Variants in COQ2 observed in about 807,000 individuals in gnomAD.
The protein encoded by COQ2 is 4-hydroxybenzoate polyprenyltransferase, mitochondrial.
Under a neutral mutation model 35.7 loss-of-function variants are expected in COQ2, and 25 were observed. That is an observed-to-expected ratio of 0.70 (90% confidence interval 0.51 to 0.98). COQ2 has a LOEUF of 0.98. Among genes scored for constraint, COQ2 ranks in the 50% least tolerant of loss-of-function variants. COQ2 has a pLI of 0.00. For missense variants in COQ2, 488 were observed against 473.5 expected, an observed-to-expected ratio of 1.03 and a Z score of -0.28; for synonymous variants, 206 against 186.2, an observed-to-expected ratio of 1.11 and a Z score of -0.86.
intron 2 of COQ2, among the ~76,000 whole-genome samples, chr4:83,275,115 C>G (rs1735136544): frequency 6.6e-6 from 1 of 152,178 alleles, no homozygotes; most frequent in African/African-American, 2.4e-5. Context: ...CTTTAAAAAT[C>G]TTTCTAAGAA....
intron 4 of COQ2, 99 bp downstream of exon 4, chr4:83,271,988 G>A (rs1735057870): frequency 1.3e-6 from 1 of 774,978 alleles, no homozygotes. Flanking sequence ...AAAATTACAT[G>A]ACTGATTTGT....
intron 6 of COQ2, among the ~76,000 whole-genome samples, chr4:83,266,424 C>A (rs1031714528): frequency 6.7e-6 from 1 of 149,718 alleles, no homozygotes; most frequent in Non-Finnish European, 1.5e-5. Context: ...GTGGTGTGAT[C>A]TTGGCTCACT....
rs765747895 is a variant in COQ2, at chr4:83,284,700, G to T, written c.65C>A (p.Pro22Gln). 1 of 1,484,410 alleles carries T rather than the reference G, an allele frequency of 6.7e-7. No homozygotes were observed. The highest frequency in any genetic ancestry group is 2.4e-5 in the Admixed American group (1 of 42,012). 92.0% of individuals were successfully genotyped at this position (1,484,410 alleles called of 1,614,324 possible). A position where few individuals can be genotyped will look rare whatever the true frequency, so the allele number is the denominator to read the frequency against. ...GGCGAAGGAGCGGCCCCGCCAGCCC[G>T]GCAGCCACGCCAGTGCCACAGCCCG... ...GLRAVALAWL[P>Q]GWRGRSFALA... The change falls in exon 1 of 7, where the codon CCG (proline) becomes CAG (glutamine). Residue 22 changes from proline (P) to glutamine (Q), a missense_variant. Transcript: ENST00000647002.
At chr4:83,282,589 G>T in intron 1 of COQ2, 1 of 924,128 alleles carries the variant, frequency 1.1e-6, no homozygotes, top group Non-Finnish European at 1.3e-6. Context: ...CAATCTGTAA[G>T]TACAATTTTC....
At chr4:83,270,032 T>C in intron 4 of COQ2, 39 bp from the exon 5 acceptor site, 2 of 1,606,340 alleles carry the variant, frequency 1.2e-6, no homozygotes, top group Non-Finnish European at 8.5e-7. Flanking sequence ...AAAGTCTGTA[T>C]GTACTTTAGA....
chr4:83,264,863 A>C (rs1466434908), intron 6 of COQ2, among the ~76,000 whole-genome samples: 1 of 152,162 alleles, frequency 6.6e-6, no homozygotes, highest in African/African-American at 2.4e-5. Flanking sequence ...GTCTGCAGCA[A>C]AGTTTCTCAA....
chr4:83,280,077 AC>A (rs1158341303), intron 1 of COQ2, among the ~76,000 whole-genome samples: 1 of 152,052 alleles, frequency 6.6e-6, no homozygotes, highest in Admixed American at 6.6e-5. Context: ...TAATCGTCCC[AC>A]CTTGGCCTCC....
Position 83,284,780 on chromosome 4 carries a change from GGGAC to G in COQ2, c.-20_-17del. On this transcript the variant is annotated 5_prime_UTR_variant, in exon 1 of 7. Transcript: ENST00000647002. Reference sequence around the variant, plus strand: ...AGCCCAGCATGGCGCTGGTGAGGCCGGGACGAGCTCGGATTGACGTCATTCCCCG... The same window carrying G: ...AGCCCAGCATGGCGCTGGTGAGGCCGGAGCTCGGATTGACGTCATTCCCCG... 1 of 1,563,486 alleles carries G rather than the reference GGGAC, an allele frequency of 6.4e-7. No homozygotes were observed. The highest frequency in any genetic ancestry group is 8.6e-7 in the Non-Finnish European group (1 of 1,161,760).
chr4:83,276,019 T>A (rs1306505298), intron 2 of COQ2, among the ~76,000 whole-genome samples: 6 of 53,424 alleles, frequency 1.1e-4, no homozygotes, highest in Middle Eastern at 8.8e-3. Flanking sequence ...TTATATATAA[T>A]ATATATTTTT....
At chr4:83,276,077 AAT>A (rs1300354853) in intron 2 of COQ2, among the ~76,000 whole-genome samples, 2 of 139,078 alleles carry the variant, frequency 1.4e-5, no homozygotes, top group African/African-American at 5.8e-5. Context: ...TTTTATATAT[AAT>A]ATATATATAC....
chr4:83,264,195 T>C lies in COQ2; in HGVS notation c.*4A>G, dbSNP rs1234195936. 3 of 1,257,030 alleles carry C rather than the reference T, an allele frequency of 2.4e-6. No homozygotes were observed. Among genetic ancestry groups the C allele is most frequent in the East Asian group, 5.4e-5 (2 of 36,944 alleles). The allele number at this position is 1,257,030 out of a possible 1,614,324, so 77.9% of individuals were successfully genotyped here. Reference sequence around the variant, plus strand: ...TTTAAAAATTCCTAGATAAATTTCATTCATTAATTTTCTATTTTATTCTCT... The same window carrying C: ...TTTAAAAATTCCTAGATAAATTTCACTCATTAATTTTCTATTTTATTCTCT... On this transcript the variant is annotated 3_prime_UTR_variant, in exon 7 of 7. Transcript: ENST00000647002.
Position 83,283,712 on chromosome 4 carries a change from A to C in COQ2, c.253+800T>G, listed in dbSNP as rs75790119. 5.4e-3 allele frequency: 5,300 copies of C among 985,406 alleles called. 223 individuals are homozygous for C. The African/African-American group carries it at 0.082, about 15-fold the overall frequency. 61.0% of individuals were successfully genotyped at this position (985,406 alleles called of 1,614,324 possible). On this transcript the variant is annotated intron_variant, in intron 1 of 6. Transcript: ENST00000647002. ...CTTTTTCTATCTCTATGGCCGGACAACGTAGTAGGAACTTATTAATTCACT... is the reference window on the plus strand; with the variant it reads ...CTTTTTCTATCTCTATGGCCGGACACCGTAGTAGGAACTTATTAATTCACT...
chr4:83,279,642 G>A (rs761328064), intron 1 of COQ2, among the ~76,000 whole-genome samples: 1 of 151,876 alleles, frequency 6.6e-6, no homozygotes, highest in African/African-American at 2.4e-5. Context: ...ATGTTAATAT[G>A]CTCAAAGACT....
At chr4:83,266,197 A>G (rs1163167922) in intron 6 of COQ2, among the ~76,000 whole-genome samples, 1 of 152,194 alleles carries the variant, frequency 6.6e-6, no homozygotes, top group Non-Finnish European at 1.5e-5. Context: ...TTTCACAGTG[A>G]GGAAAACAGT....
At chr4:83,268,620 G>A (rs1253731468) in intron 5 of COQ2, among the ~76,000 whole-genome samples, 1 of 152,194 alleles carries the variant, frequency 6.6e-6, no homozygotes, top group African/African-American at 2.4e-5. Flanking sequence ...CAATGAGTAT[G>A]TGGTGTTTTC....
Position 83,284,724 on chromosome 4 carries a change from C to G in COQ2, c.41G>C (p.Arg14Pro), listed in dbSNP as rs887669994. 3 of 1,514,424 alleles carry G rather than the reference C, an allele frequency of 2.0e-6. No individual in the cohort carries two copies. Among genetic ancestry groups the G allele is most frequent in the Admixed American group, 4.2e-5 (2 of 47,654 alleles). The allele number at this position is 1,514,424 out of a possible 1,614,324, so 93.8% of individuals were successfully genotyped here. Residue 14 changes from arginine (R) to proline (P), a missense_variant, in exon 1 of 7, where the codon CGG becomes CCG. Coordinates refer to ENST00000647002, the MANE Select transcript of COQ2 (RefSeq NM_001358921.2). ...SRAAGFARGL[R>P]AVALAWLPGW... is the part of the protein sequence containing the mutation. ...CGGCAGCCACGCCAGTGCCACAGCC[C>G]GCAGGCCCCGCGCGAACCCCGCGGC... is the stretch of plus-strand genomic sequence containing the variant.
At chr4:83,283,660 T>A (rs1408881489) in intron 1 of COQ2, 9 of 985,338 alleles carry the variant, frequency 9.1e-6, no homozygotes, top group Non-Finnish European at 1.2e-6. Flanking sequence ...TAGACCAGAG[T>A]TCCTTGAAAG....
intron 5 of COQ2, 66 bp from the exon 6 acceptor site, chr4:83,267,840 T>C: frequency 7.5e-7 from 1 of 1,337,386 alleles, no homozygotes; most frequent in East Asian, 2.6e-5. Context: ...AATTCACATT[T>C]TGAAGTATCA....
In COQ2 at chr4:83,269,975, C is replaced by G; in HGVS notation, c.647G>C (p.Gly216Ala). ...QLALGLTFNW[G>A]ALLGWSAIKG... ...GATAGCAGACCATCCAAGTAACGCTCCCCAATTAAATGTCAAGCCTACAAT... is the reference window on the plus strand; with the variant it reads ...GATAGCAGACCATCCAAGTAACGCTGCCCAATTAAATGTCAAGCCTACAAT... The change falls in exon 5 of 7, where the codon GGA becomes GCA. Residue 216 changes from glycine to alanine, a missense_variant. Physicochemically the swap from Gly to Ala is moderately conservative, Grantham distance 60. Coordinates refer to ENST00000647002, the MANE Select transcript of COQ2 (RefSeq NM_001358921.2). 1 of 1,612,912 alleles carries G rather than the reference C, an allele frequency of 6.2e-7. No individual in the cohort carries two copies. The highest frequency in any genetic ancestry group is 8.5e-7 in the Non-Finnish European group (1 of 1,179,534).
Sources: allele counts gnomAD v4.1 joint callset (sites outside exome capture counted in the v4.1 genomes callset), GRCh38; gene constraint gnomAD v4.1.1; transcripts MANE v1.5; gene names NCBI Gene and HGNC (gene_info 2026-07-23, HGNC 2026-07-21).